MGRN1: variants seen among roughly 807,000 people sequenced by gnomAD.
MGRN1 encodes the protein mahogunin ring finger 1, also known as E3 ubiquitin-protein ligase MGRN1.
Under a neutral mutation model 69.2 loss-of-function variants are expected in MGRN1, and 29 were observed. The observed-to-expected ratio is 0.42, with a 90% CI of 0.31 to 0.57. The LOEUF (loss-of-function observed/expected upper bound fraction) is 0.57. MGRN1 is among the 20% of genes least tolerant of loss of function. The probability of loss-of-function intolerance (pLI) is 0.15; values close to 1 mark genes in which losing one functional copy is unlikely to be tolerated. For missense variants in MGRN1, 998 were observed against 796.2 expected (o/e 1.25, Z -3.05); for synonymous variants, 470 against 344.2 (o/e 1.37, Z -4.04).
rs556552974 is a variant in MGRN1, at chr16:4,650,726, T to C, written c.207+243T>C. ...TCACTGAGAAACAGAGCAGCCATACTGAATGGGTGCGTCTGGGCTGCAACG... is the reference window on the plus strand; with the variant it reads ...TCACTGAGAAACAGAGCAGCCATACCGAATGGGTGCGTCTGGGCTGCAACG... On this transcript the variant is annotated intron_variant, in intron 2 of 16. Transcript: ENST00000262370. The C allele has an allele frequency of 6.7e-5, 26 of 390,128 alleles. No individual in the cohort carries two copies. The East Asian group carries it at 9.4e-4, about 14-fold the overall frequency. The allele number at this position is 390,128 out of a possible 1,614,324, so 24.2% of individuals were successfully genotyped here. A position where few individuals can be genotyped will look rare whatever the true frequency, so the allele number is the denominator to read the frequency against.
intron 7 of MGRN1, among the ~76,000 whole-genome samples, chr16:4,666,760 C>G (rs28458431): frequency 0.033 from 5,061 of 152,272 alleles, 135 homozygotes; most frequent in African/African-American, 0.067. Context: ...CCTACAGGAG[C>G]CTTTTCCTGA....
At chr16:4,681,909 T>C (rs2079190629) in intron 13 of MGRN1, 133 bp downstream of exon 13, 11 of 928,662 alleles carry the variant, frequency 1.2e-5, no homozygotes, top group Non-Finnish European at 1.7e-5. Flanking sequence ...GGAGACCCCG[T>C]ATCAGGTTAG....
Position 4,668,278 on chromosome 16 carries a change from G to A in MGRN1, c.692G>A (p.Ser231Asn), listed in dbSNP as rs2078850759. 1 of 1,613,984 alleles carries A rather than the reference G, an allele frequency of 6.2e-7. No individual in the cohort carries two copies. The highest frequency in any genetic ancestry group is 8.5e-7 in the Non-Finnish European group (1 of 1,179,998). The part of the protein sequence containing the change: ...LAAFEKHMDG[S>N]FSVKPLKQKQ... ...TCTCCCCTGCAGCACATGGACGGCA[G>A]CTTCTCTGTGAAGCCTTTAAAGCAG... Residue 231 changes from serine (S) to asparagine (N), a missense_variant, in exon 8 of 17, where the codon AGC becomes AAC. Transcript: ENST00000262370.
At chr16:4,661,716 C>G (rs915879825) in intron 5 of MGRN1, among the ~76,000 whole-genome samples, 1 of 152,256 alleles carries the variant, frequency 6.6e-6, no homozygotes, top group Non-Finnish European at 1.5e-5. Context: ...CTCTGTCCAC[C>G]TCTGTCCATG....
At chr16:4,650,257 A>G (rs2078372461) in intron 1 of MGRN1, 108 bp from the exon 2 acceptor site, 1 of 775,658 alleles carries the variant, frequency 1.3e-6, no homozygotes, top group South Asian at 1.8e-5. Context: ...GAGCTGAGAT[A>G]GCGCCACTGC....
At chr16:4,676,263 C>A (rs1567228156) in intron 10 of MGRN1, among the ~76,000 whole-genome samples, 1 of 152,178 alleles carries the variant, frequency 6.6e-6, no homozygotes, top group African/African-American at 2.4e-5. Flanking sequence ...TGTCTGAAAG[C>A]CACAGAGTTG....
intron 10 of MGRN1, among the ~76,000 whole-genome samples, chr16:4,674,787 C>G (rs1049927454): frequency 1.3e-5 from 2 of 148,284 alleles, no homozygotes; most frequent in Non-Finnish European, 3.0e-5. Flanking sequence ...ATTACAGGCG[C>G]CCGCCACCGC....
At chr16:4,639,018 T>A (rs1394153385) in intron 1 of MGRN1, among the ~76,000 whole-genome samples, 2 of 152,166 alleles carry the variant, frequency 1.3e-5, no homozygotes, top group Non-Finnish European at 2.9e-5. Flanking sequence ...CCAGTGAGAA[T>A]GTCTCTCACT....
Position 4,681,720 on chromosome 16 carries a change from C to G in MGRN1, c.1302C>G (p.Asp434Glu). Reference sequence around the variant, plus strand: ...CCAGCTGTCCCCTCGCGGCTATCGACCACATCCTGGACAGCAGCCGCCAGA... The same window carrying G: ...CCAGCTGTCCCCTCGCGGCTATCGAGCACATCCTGGACAGCAGCCGCCAGA... ...SQASCPLAAI[D>E]HILDSSRQKG... The change falls in exon 13 of 17, where the codon GAC (aspartate) becomes GAG (glutamate). Residue 434 changes from aspartate to glutamate, a missense_variant. By Grantham distance (45) the Asp-to-Glu change is conservative. Coordinates refer to ENST00000262370, the MANE Select transcript of MGRN1 (RefSeq NM_015246.4). 5.6e-6 allele frequency: 9 copies of G among 1,613,166 alleles called. No individual in the cohort carries two copies. Among genetic ancestry groups the G allele is most frequent in the Non-Finnish European group, 6.8e-6 (8 of 1,179,916 alleles).
chr16:4,647,404 A>G (rs1018206223), intron 1 of MGRN1, among the ~76,000 whole-genome samples: 9 of 152,188 alleles, frequency 5.9e-5, no homozygotes, highest in Non-Finnish European at 1.2e-4. Context: ...TGGTGGGGCT[A>G]TGTTCAAGGC....
chr16:4,648,438 C>G (rs867464499), intron 1 of MGRN1, among the ~76,000 whole-genome samples: 3 of 106,280 alleles, frequency 2.8e-5, no homozygotes, highest in Non-Finnish European at 5.4e-5. Context: ...GGTCACCCGG[C>G]TCCTCCTCTC....
chr16:4,681,069 C>T (rs1053664653), intron 12 of MGRN1, among the ~76,000 whole-genome samples: 2 of 152,178 alleles, frequency 1.3e-5, no homozygotes, highest in South Asian at 2.1e-4. Context: ...CCAGGGTGCC[C>T]GTTAGAACCA....
chr16:4,636,311 AAG>A (rs1183429308), intron 1 of MGRN1, among the ~76,000 whole-genome samples: 1 of 151,732 alleles, frequency 6.6e-6, no homozygotes, highest in Admixed American at 6.6e-5. Flanking sequence ...TTGAGCTTGA[AAG>A]AACTGGAAGG....
At chr16:4,651,859 T>G (rs76392446) in intron 2 of MGRN1, 104 bp from the exon 3 acceptor site, 19,508 of 1,012,628 alleles carry the variant, frequency 0.019, 855 homozygotes, top group African/African-American at 0.15. Context: ...TGGGACTAGA[T>G]CCCAGGGATA....
rs754770370 is a variant in MGRN1 at position 4,688,780 on chromosome 16, C to T, written c.1619-16C>T. ...GCATCCGAGTGTGACCCTCCTCCCT[C>T]TGCTCCCACCTGCAGGACGGCCCAC... On this transcript the variant is annotated splice_polypyrimidine_tract_variant and intron_variant, in intron 16 of 16. Transcript: ENST00000262370. 3 of 1,534,226 alleles carry T rather than the reference C, an allele frequency of 2.0e-6. No individual in the cohort carries two copies. Among genetic ancestry groups the T allele is most frequent in the Non-Finnish European group, 2.6e-6 (3 of 1,134,214 alleles).
In MGRN1 at chr16:4,688,956, G is replaced by C; in HGVS notation, c.*48G>C. 6.6e-7 allele frequency: 1 copy of C among 1,504,964 alleles called. No individual in the cohort carries two copies. Among genetic ancestry groups the C allele is most frequent in the Non-Finnish European group, 8.9e-7 (1 of 1,118,820 alleles). The allele number at this position is 1,504,964 out of a possible 1,614,324, so 93.2% of individuals were successfully genotyped here. ...TGGAGCCCTCGGCTCCCCAGACTTT[G>C]CCGAGGGGCTGCTCCGGACCCCGTT... On this transcript the variant is annotated 3_prime_UTR_variant, in exon 17 of 17. Coordinates refer to ENST00000262370, the MANE Select transcript of MGRN1 (RefSeq NM_015246.4).
chr16:4,661,092 C>G (rs1346955906), intron 5 of MGRN1, among the ~76,000 whole-genome samples: 1 of 152,090 alleles, frequency 6.6e-6, no homozygotes, highest in Non-Finnish European at 1.5e-5. Flanking sequence ...GCGATCCTCT[C>G]ACCTCAACTT....
intron 16 of MGRN1, chr16:4,688,187 C>G: frequency 4.1e-6 from 4 of 985,584 alleles, no homozygotes; most frequent in Non-Finnish European, 4.8e-6. Context: ...TGAGGCCATG[C>G]TGGCCCCGTC....
At chr16:4,639,472 T>C (rs968025595) in intron 1 of MGRN1, among the ~76,000 whole-genome samples, 2 of 152,132 alleles carry the variant, frequency 1.3e-5, no homozygotes, top group Admixed American at 1.3e-4. Context: ...ACCTTCACCA[T>C]TGGGCATCAT....
Sources: allele counts gnomAD v4.1 joint callset (sites outside exome capture counted in the v4.1 genomes callset), GRCh38; gene constraint gnomAD v4.1.1; transcripts MANE v1.5; gene names NCBI Gene and HGNC (gene_info 2026-07-23, HGNC 2026-07-21).